The following TRAK2 variants were observed in gnomAD, a reference collection of about 807,000 sequenced individuals.
The protein encoded by TRAK2 is trafficking kinesin-binding protein 2.
A neutral mutation model predicts 104.6 loss-of-function variants in TRAK2; 81 were observed. That is an observed-to-expected ratio of 0.77 (90% CI 0.65 to 0.93). The LOEUF (loss-of-function observed/expected upper bound fraction) is 0.93, where lower values mean the gene tolerates loss of function less well. Among genes scored for constraint, TRAK2 ranks in the 40% least tolerant of loss-of-function variants. The pLI, the probability that TRAK2 is intolerant of heterozygous loss-of-function variation, is 0.00. For synonymous variants in TRAK2, 406 were observed against 394.4 expected, an observed-to-expected ratio of 1.03 and a Z score of -0.35; for missense variants, 1,002 against 1,089.0, an observed-to-expected ratio of 0.92 and a Z score of 1.12.
chr2:201,426,397 C>T (rs1168770561), intron 1 of TRAK2, among the ~76,000 whole-genome samples: 1 of 152,164 alleles, frequency 6.6e-6, no homozygotes, highest in African/African-American at 2.4e-5. Context: ...CCCACTGATT[C>T]CACATTATGG....
Position 201,420,539 on chromosome 2 carries a change from A to G in TRAK2, c.-32T>C, listed in dbSNP as rs375437167. On this transcript the variant is annotated 5_prime_UTR_variant, in exon 2 of 16. Coordinates refer to ENST00000332624, the MANE Select transcript of TRAK2 (RefSeq NM_015049.3). ...TCCTTTCTTGCTTTGGTTGAGAAGGACAGCTTTGGTATGAATCAGAGTAAA... is the reference window on the plus strand; with the variant it reads ...TCCTTTCTTGCTTTGGTTGAGAAGGGCAGCTTTGGTATGAATCAGAGTAAA... 9 of 1,564,098 alleles carry G rather than the reference A, an allele frequency of 5.8e-6. No individual in the cohort carries two copies. In the African/African-American group the frequency reaches 1.1e-4, roughly 19 times the overall value.
intron 6 of TRAK2, 47 bp from the exon 7 acceptor site, chr2:201,397,627 T>C (rs375059849): frequency 9.3e-6 from 12 of 1,297,016 alleles, no homozygotes; most frequent in African/African-American, 3.0e-5. Flanking sequence ...AGTGATTTTA[T>C]AGAAATAACT....
In TRAK2 at chr2:201,380,751, A is replaced by C. The variant is rs916113571; in HGVS notation, c.2537T>G (p.Val846Gly). Residue 846 changes from valine to glycine, a missense_variant, in exon 16 of 16, where the codon GTG becomes GGG. Coordinates refer to ENST00000332624, the MANE Select transcript of TRAK2 (RefSeq NM_015049.3). ...DRLKRLGIAR[V>G]VKNPGAQENG... ...CTCTTGGGCACCAGGGTTCTTGACC[A>C]CTCTGGCTATCCCCAGTCTCTTCAG... 1.2e-6 allele frequency: 2 copies of C among 1,613,844 alleles called. No homozygotes were observed. Among genetic ancestry groups the C allele is most frequent in the Admixed American group, 3.3e-5 (2 of 59,956 alleles).
chr2:201,446,252 T>C (rs1951963504), intron 1 of TRAK2, among the ~76,000 whole-genome samples: 1 of 152,160 alleles, frequency 6.6e-6, no homozygotes, highest in Non-Finnish European at 1.5e-5. Context: ...ATTTACTAGC[T>C]TCCTAGACAC....
Position 201,420,495 on chromosome 2 carries a change from G to T in TRAK2, c.13C>A (p.Gln5Lys). Residue 5 changes from glutamine to lysine, a missense_variant, in exon 2 of 16, where the codon CAG (glutamine) becomes AAG (lysine). Physicochemically the swap from Gln to Lys is moderately conservative, Grantham distance 53 (BLOSUM62 1). Coordinates refer to ENST00000332624, the MANE Select transcript of TRAK2 (RefSeq NM_015049.3). ...GTTGGTGATGTAAAAATTGCATTCT[G>T]GGATTGACTCATGCAGGATCCTTTC... Reference protein sequence around the residue: MSQSQNAIFTSPTGE... With the variant: MSQSKNAIFTSPTGE... The T allele has an allele frequency of 6.2e-7, 1 of 1,613,930 alleles. No homozygotes were observed. Among genetic ancestry groups the T allele is most frequent in the Non-Finnish European group, 8.5e-7 (1 of 1,179,866 alleles).
intron 1 of TRAK2, among the ~76,000 whole-genome samples, chr2:201,448,614 A>G (rs1206295995): frequency 6.6e-6 from 1 of 152,222 alleles, no homozygotes; most frequent in Non-Finnish European, 1.5e-5. Flanking sequence ...GGTACAGATA[A>G]TATAATGAGA....
intron 10 of TRAK2, among the ~76,000 whole-genome samples, chr2:201,390,888 T>C (rs1224007806): frequency 6.6e-6 from 1 of 151,998 alleles, no homozygotes; most frequent in Non-Finnish European, 1.5e-5. Context: ...ATGGGTGACA[T>C]GCTCAGTGGG....
chr2:201,411,346 CGGAATCACT>C (rs2125651043), intron 2 of TRAK2: 1 of 751,456 alleles, frequency 1.3e-6, no homozygotes, highest in East Asian at 2.5e-5. Context: ...TCTTTATTTT[CGGAATCACT>C]GCCAGTCAGA....
intron 2 of TRAK2, chr2:201,410,673 G>A (rs2125650745): frequency 3.1e-6 from 4 of 1,297,512 alleles, no homozygotes; most frequent in African/African-American, 2.9e-5. Flanking sequence ...GTCCTATCAT[G>A]TTCATCTGTG....
chr2:201,411,108 G>A (rs1951642742), intron 2 of TRAK2: 3 of 1,018,648 alleles, frequency 2.9e-6, no homozygotes, highest in Admixed American at 3.6e-5. Context: ...CGTACTTGAA[G>A]CAGAAGGTTT....
chr2:201,387,820 G>A lies in TRAK2; in HGVS notation c.1579C>T (p.Pro527Ser), dbSNP rs753666246. ...CAGAGAGAGGCAAGGCTCTCTGTCGGGGTGACACAGCCACTAACTCCTTCC... is the reference window on the plus strand; with the variant it reads ...CAGAGAGAGGCAAGGCTCTCTGTCGAGGTGACACAGCCACTAACTCCTTCC... ...QKEGVSGCVT[P>S]TESLASLCTT... The change falls in exon 13 of 16, where the codon CCG becomes TCG. Residue 527 changes from proline to serine, a missense_variant. Coordinates refer to ENST00000332624, the MANE Select transcript of TRAK2 (RefSeq NM_015049.3). The A allele has an allele frequency of 6.2e-7, 1 of 1,614,148 alleles. No homozygotes were observed. The highest frequency in any genetic ancestry group is 2.2e-5 in the East Asian group (1 of 44,878).
chr2:201,428,641 T>G (rs1257707074), intron 1 of TRAK2, among the ~76,000 whole-genome samples: 1 of 152,260 alleles, frequency 6.6e-6, no homozygotes, highest in African/African-American at 2.4e-5. Context: ...AGGATTGTCT[T>G]GGCAATGCAG....
chr2:201,442,160 G>A (rs1037267663), intron 1 of TRAK2, among the ~76,000 whole-genome samples: 4 of 151,654 alleles, frequency 2.6e-5, no homozygotes, highest in South Asian at 4.2e-4. Context: ...GGAGGCTGAG[G>A]TGGGCAGATC....
intron 12 of TRAK2, 187 bp from the exon 13 acceptor site, chr2:201,388,188 G>A: frequency 1.5e-6 from 1 of 647,700 alleles, no homozygotes; most frequent in Non-Finnish European, 2.8e-6. Context: ...CATTTTTACA[G>A]ATCATTGCAA....
rs1433684137 is a variant in TRAK2 at position 201,402,655 on chromosome 2, A to T, written c.287-1561T>A. Reference sequence around the variant, plus strand: ...CATAGCGGGAACAAAGGATTAAATAATTAAGGCAAATACTTACAGTGAATG... The same window carrying T: ...CATAGCGGGAACAAAGGATTAAATATTTAAGGCAAATACTTACAGTGAATG... On this transcript the variant is annotated intron_variant, in intron 3 of 15. Coordinates refer to ENST00000332624, the MANE Select transcript of TRAK2 (RefSeq NM_015049.3). Among the ~76,000 whole-genome samples the T allele has an allele frequency of 5.3e-5, 8 of 152,320 alleles. No individual in the cohort carries two copies. The East Asian group carries it at 1.5e-3, about 29-fold the overall frequency.
chr2:201,421,949 T>G (rs898824101), intron 1 of TRAK2, among the ~76,000 whole-genome samples: 1 of 149,750 alleles, frequency 6.7e-6, no homozygotes. Flanking sequence ...CTTGGGAGGC[T>G]GAAGCAGGAG....
chr2:201,431,602 C>T (rs1951843016), intron 1 of TRAK2, among the ~76,000 whole-genome samples: 1 of 152,236 alleles, frequency 6.6e-6, no homozygotes, highest in African/African-American at 2.4e-5. Context: ...CCTGTGATTA[C>T]ATTTAAGGTA....
chr2:201,397,587 G>C lies in TRAK2; in HGVS notation c.691-7C>G. The C allele has an allele frequency of 6.2e-7, 1 of 1,600,790 alleles. No homozygotes were observed. Among genetic ancestry groups the C allele is most frequent in the African/African-American group, 1.3e-5 (1 of 74,418 alleles). On this transcript the variant is annotated splice_polypyrimidine_tract_variant and splice_region_variant and intron_variant, in intron 6 of 15. Transcript: ENST00000332624. ...CTGTCTTTATGTGACAAGCCTTCAA[G>C]AAAAAAATCAGTATGTGACAATACC...
intron 10 of TRAK2, 23 bp downstream of exon 10, chr2:201,392,886 T>A (rs1385922199): frequency 6.2e-7 from 1 of 1,600,990 alleles, no homozygotes; most frequent in Admixed American, 1.7e-5. Context: ...TTTAAATACA[T>A]AGCATCTTTC....
Sources: gnomAD v4.1 joint callset for allele counts (sites outside exome capture counted in the v4.1 genomes callset) on GRCh38, gnomAD v4.1.1 for gene constraint, MANE v1.5 for transcripts, NCBI Gene and HGNC (gene_info 2026-07-23, HGNC 2026-07-21) for gene names.